The following RRM1 variants were observed in gnomAD, a reference collection of about 807,000 sequenced individuals.
The protein encoded by RRM1 is ribonucleotide reductase catalytic subunit M1, also known as ribonucleoside-diphosphate reductase large subunit.
In RRM1, 19 loss-of-function variants were observed where a neutral mutation model predicts 101.5. The ratio of observed to expected loss-of-function variants is 0.19; its 90% CI spans 0.13 to 0.27. RRM1 has a LOEUF of 0.27. Ranked by LOEUF, RRM1 falls within the 10% of genes least tolerant of loss-of-function variation. The probability of loss-of-function intolerance (pLI) is 1.00; values close to 1 mark genes in which losing one functional copy is unlikely to be tolerated. For missense variants in RRM1, 500 were observed against 962.9 expected (o/e 0.52, Z 6.36); for synonymous variants, 298 against 323.4 (o/e 0.92, Z 0.84).
At chr11:4,106,012 A>T (rs1367230347) in intron 2 of RRM1, 34 bp from the exon 3 acceptor site, 1 of 1,580,470 alleles carries the variant, frequency 6.3e-7, no homozygotes, top group Non-Finnish European at 8.6e-7. Context: ...GTTTCTTGGG[A>T]AAGCTCAAGT....
chr11:4,098,825 G>C (rs1002938880), intron 1 of RRM1, among the ~76,000 whole-genome samples: 1 of 152,172 alleles, frequency 6.6e-6, no homozygotes, highest in African/African-American at 2.4e-5. Flanking sequence ...GTTAATTTCA[G>C]ATACTGATTA....
chr11:4,096,818 T>G (rs1375648248), intron 1 of RRM1, among the ~76,000 whole-genome samples: 1 of 152,022 alleles, frequency 6.6e-6, no homozygotes, highest in Non-Finnish European at 1.5e-5. Context: ...GCATCTATTT[T>G]TTAAATCTTT....
intron 9 of RRM1, 131 bp downstream of exon 9, chr11:4,120,059 A>G (rs2094579295): frequency 2.0e-5 from 12 of 603,842 alleles, no homozygotes; most frequent in Middle Eastern, 5.8e-4. Flanking sequence ...TTGAGGAGGT[A>G]TAATTATTTT....
intron 6 of RRM1, 81 bp from the exon 7 acceptor site, chr11:4,111,819 T>C: frequency 7.2e-7 from 1 of 1,382,716 alleles, no homozygotes; most frequent in South Asian, 1.4e-5. Flanking sequence ...CCTTTTGGTG[T>C]CCTTTTCTGA....
At chr11:4,116,990 A>G (rs2094574569) in intron 7 of RRM1, among the ~76,000 whole-genome samples, 1 of 152,136 alleles carries the variant, frequency 6.6e-6, no homozygotes, top group Admixed American at 6.5e-5. Flanking sequence ...AGAAAAGAAA[A>G]GAAAAACAGA....
intron 1 of RRM1, chr11:4,099,431 C>G (rs2094547825): frequency 6.6e-6 from 1 of 151,900 alleles, no homozygotes; most frequent in African/African-American, 2.4e-5. Flanking sequence ...GCTGAGCCAC[C>G]ATGCCCTGCT....
Position 4,121,624 on chromosome 11 carries a change from T to G in RRM1, c.897T>G (p.Ile299Met). Reference protein sequence around the residue: ...GGNKRPGAFAIYLEPWHLDIF... With the variant: ...GGNKRPGAFAMYLEPWHLDIF... ...ACTAGCGTCCTGGGGCATTTGCTAT[T>G]TACCTGGAGCCTTGGCATTTAGACA... Residue 299 changes from isoleucine to methionine, a missense_variant, in exon 10 of 19, where the codon ATT (isoleucine) becomes ATG (methionine). Ile to Met is a conservative substitution (Grantham distance 10). Coordinates refer to ENST00000300738, the MANE Select transcript of RRM1 (RefSeq NM_001033.5). 3.1e-6 allele frequency: 5 copies of G among 1,613,442 alleles called. No individual in the cohort carries two copies. The highest frequency in any genetic ancestry group is 4.2e-6 in the Non-Finnish European group (5 of 1,179,728).
rs771155844 is a variant in RRM1 at position 4,123,212 on chromosome 11, T to C, written c.1148T>C (p.Val383Ala). Residue 383 changes from valine (V) to alanine (A), a missense_variant, in exon 12 of 19, where the codon GTT (valine) becomes GCT (alanine). Val to Ala is a moderately conservative substitution (Grantham distance 64). Coordinates refer to ENST00000300738, the MANE Select transcript of RRM1 (RefSeq NM_001033.5). ...GAGAAACAAGGTCGTGTCCGCAAAG[T>C]TGTAAAAGCTCAGCAGCTTTGGTAT... is the stretch of plus-strand genomic sequence containing the variant. ...SYEKQGRVRKVVKAQQLWYAI... is the reference protein window; with the variant it reads ...SYEKQGRVRKAVKAQQLWYAI... The C allele has an allele frequency of 1.5e-5, 25 of 1,614,014 alleles. No individual in the cohort carries two copies. The highest frequency in any genetic ancestry group is 2.2e-5 in the South Asian group (2 of 91,090).
At position 4,125,140 on chromosome 11, in the gene RRM1, C is replaced by G. The variant is rs372141540; in HGVS notation, c.1321-1544C>G. Among the ~76,000 whole-genome samples the G allele has an allele frequency of 1.6e-4, 24 of 152,206 alleles. No individual in the cohort carries two copies. In the South Asian group the frequency reaches 3.3e-3, roughly 21 times the overall value. The stretch of plus-strand genomic sequence containing the variant: ...ATGTTGGCCAGGATGGTCTCAATCT[C>G]TTGACCTCGTGATCCGCCCACCTCA... On this transcript the variant is annotated intron_variant, in intron 12 of 18. Transcript: ENST00000300738.
At chr11:4,118,552 G>A in intron 8 of RRM1, 91 bp downstream of exon 8, 1 of 1,364,858 alleles carries the variant, frequency 7.3e-7, no homozygotes, top group South Asian at 1.4e-5. Flanking sequence ...TTTTTTGGGA[G>A]TCCTGGGTCT....
At chr11:4,097,341 C>A (rs1335192156) in intron 1 of RRM1, among the ~76,000 whole-genome samples, 2 of 148,310 alleles carry the variant, frequency 1.3e-5, no homozygotes, top group East Asian at 4.0e-4. Context: ...AAAAGCAGAG[C>A]TTATTTTCTC....
At chr11:4,126,969 T>C in intron 13 of RRM1, 66 bp from the exon 14 acceptor site, 4 of 1,466,018 alleles carry the variant, frequency 2.7e-6, no homozygotes, top group Non-Finnish European at 3.7e-6. Context: ...TCTCATTTGG[T>C]ACAGAATGTT....
chr11:4,131,953 G>T (rs572323941), intron 15 of RRM1, among the ~76,000 whole-genome samples: 1 of 152,138 alleles, frequency 6.6e-6, no homozygotes, highest in Non-Finnish European at 1.5e-5. Flanking sequence ...ATTTCCCTAC[G>T]CAAGATAGTG....
In RRM1 at chr11:4,138,296, A is replaced by G. The variant is rs762671874; in HGVS notation, c.2292A>G (p.Ser764=). ...KEKLKDKEKV[S]KEEEEKERNT... ...AGCTAAAAGATAAAGAAAAGGTATC[A>G]AAAGAGGAAGAAGAGAAGGAGAGGA... The change falls in exon 19 of 19, where the codon TCA becomes TCG. Residue 764 remains serine, a synonymous_variant. Coordinates refer to ENST00000300738, the MANE Select transcript of RRM1 (RefSeq NM_001033.5). 8 of 1,612,458 alleles carry G rather than the reference A, an allele frequency of 5.0e-6. No individual in the cohort carries two copies. Among genetic ancestry groups the G allele is most frequent in the Admixed American group, 3.3e-5 (2 of 59,902 alleles).
At chr11:4,104,108 C>T (rs906715562) in intron 2 of RRM1, among the ~76,000 whole-genome samples, 1 of 151,840 alleles carries the variant, frequency 6.6e-6, no homozygotes, top group Non-Finnish European at 1.5e-5. Context: ...GAGACCCTGT[C>T]TCAAAAAGAA....
chr11:4,130,086 A>ATATATATATATATATATAT (rs1202870487), intron 15 of RRM1, among the ~76,000 whole-genome samples: 20 of 99,440 alleles, frequency 2.0e-4, no homozygotes, highest in African/African-American at 8.6e-4. Context: ...ATATATATAT[A>ATATATATATATATATATAT]TTTTTTTTTT....
At chr11:4,129,672 C>T (rs150991948) in intron 15 of RRM1, among the ~76,000 whole-genome samples, 22 of 151,930 alleles carry the variant, frequency 1.4e-4, no homozygotes, top group African/African-American at 3.6e-4. Flanking sequence ...ATAAGGGATT[C>T]GAAGGCAGAC....
At chr11:4,103,973 T>C (rs1046664647) in intron 2 of RRM1, among the ~76,000 whole-genome samples, 8 of 143,846 alleles carry the variant, frequency 5.6e-5, no homozygotes. Context: ...AAAAAATTGG[T>C]TGGGTGTGGT....
intron 14 of RRM1, among the ~76,000 whole-genome samples, 196 bp downstream of exon 14, chr11:4,127,452 CCTAAAT>C (rs1165570404): frequency 6.6e-6 from 1 of 152,086 alleles, no homozygotes; most frequent in Non-Finnish European, 1.5e-5. Flanking sequence ...CCAGGTGAGC[CCTAAAT>C]CTAATGACAG....
Sources: gnomAD v4.1 joint callset for allele counts (sites outside exome capture counted in the v4.1 genomes callset) on GRCh38, gnomAD v4.1.1 for gene constraint, MANE v1.5 for transcripts, NCBI Gene and HGNC (gene_info 2026-07-23, HGNC 2026-07-21) for gene names.